The following EEFSEC variants were observed in gnomAD, a reference collection of about 807,000 sequenced individuals.
EEFSEC encodes the protein selenocysteine-specific elongation factor.
In EEFSEC, 43 loss-of-function variants were observed where a neutral mutation model predicts 42.1. That is an observed-to-expected ratio of 1.02 (90% CI 0.80 to 1.32). The LOEUF (loss-of-function observed/expected upper bound fraction) is 1.32, where lower values mean the gene tolerates loss of function less well. Among genes scored for constraint, EEFSEC ranks in the 40% most tolerant of loss-of-function variants. The probability of loss-of-function intolerance (pLI) is 0.00; values close to 1 mark genes in which losing one functional copy is unlikely to be tolerated. For synonymous variants in EEFSEC, 354 were observed against 339.1 expected (o/e 1.04, Z -0.48); for missense variants, 745 against 803.6 (o/e 0.93, Z 0.88).
chr3:128,408,809 T>G (rs1041625520), downstream of EEFSEC, among the ~76,000 whole-genome samples: 1 of 152,118 alleles, frequency 6.6e-6, no homozygotes, highest in Non-Finnish European at 1.5e-5. Flanking sequence ...TGTCTGCGCT[T>G]CTCAACCCCA....
chr3:128,268,638 G>A (rs1000050146), intron 4 of EEFSEC, among the ~76,000 whole-genome samples: 3 of 152,042 alleles, frequency 2.0e-5, no homozygotes, highest in African/African-American at 7.2e-5. Context: ...CCTTATAAGA[G>A]ACAGACAAGG....
chr3:128,382,395 C>T (rs1349565041), intron 6 of EEFSEC, among the ~76,000 whole-genome samples: 1 of 152,234 alleles, frequency 6.6e-6, no homozygotes, highest in Non-Finnish European at 1.5e-5. Flanking sequence ...ACGGCACCAG[C>T]AGGAGCTGTG....
intron 6 of EEFSEC, among the ~76,000 whole-genome samples, chr3:128,375,240 G>T (rs79039750): frequency 1.7e-4 from 26 of 152,192 alleles, no homozygotes; most frequent in Non-Finnish European, 3.5e-4. Flanking sequence ...GGGGGATCAG[G>T]TGTAGGCTAA....
intron 1 of EEFSEC, among the ~76,000 whole-genome samples, chr3:128,218,638 G>T (rs1330711681): frequency 6.6e-6 from 1 of 152,186 alleles, no homozygotes; most frequent in Non-Finnish European, 1.5e-5. Flanking sequence ...TGGTTTGCTT[G>T]TTCATTGTTT....
In EEFSEC at chr3:128,260,061, G is replaced by A. The variant is rs1196249134; in HGVS notation, c.525-2067G>A. On this transcript the variant is annotated intron_variant, in intron 2 of 6. Coordinates refer to ENST00000254730, the MANE Select transcript of EEFSEC (RefSeq NM_021937.5). ...TAGGAGTGGAATAGCTGGATCATGT[G>A]GTGATCCCATGTTTCCCTTCATTTT... 3.9e-5 allele frequency among the ~76,000 whole-genome samples: 6 copies of A among 152,152 alleles called. No homozygotes were observed. In the East Asian group the frequency reaches 9.6e-4, roughly 24 times the overall value.
intron 4 of EEFSEC, among the ~76,000 whole-genome samples, chr3:128,320,470 TTAGTTAGG>T (rs2066995170): frequency 6.6e-6 from 1 of 152,174 alleles, no homozygotes; most frequent in Admixed American, 6.5e-5. Context: ...AAATGCCCAA[TTAGTTAGG>T]TACATTTTCC....
intron 1 of EEFSEC, among the ~76,000 whole-genome samples, chr3:128,171,349 A>T (rs1321037763): frequency 6.6e-6 from 1 of 151,000 alleles, no homozygotes; most frequent in African/African-American, 2.4e-5. Context: ...GTTTATTTTT[A>T]ATTTTTTTTT....
chr3:128,161,468 C>A (rs979418249), intron 1 of EEFSEC, among the ~76,000 whole-genome samples: 1 of 152,128 alleles, frequency 6.6e-6, no homozygotes, highest in African/African-American at 2.4e-5. Flanking sequence ...GGACCTCTTG[C>A]CTTCTGTACA....
At chr3:128,212,573 C>T (rs1029782984) in intron 1 of EEFSEC, among the ~76,000 whole-genome samples, 6 of 152,120 alleles carry the variant, frequency 3.9e-5, no homozygotes, top group African/African-American at 4.8e-5. Context: ...GATTTAAAAC[C>T]GAATGAGCAG....
intron 6 of EEFSEC, among the ~76,000 whole-genome samples, chr3:128,361,759 A>G (rs1168148209): frequency 6.6e-6 from 1 of 152,060 alleles, no homozygotes; most frequent in Non-Finnish European, 1.5e-5. Flanking sequence ...CCCTTCAAAG[A>G]CCTTGCCATT....
chr3:128,158,663 C>T (rs576502003), intron 1 of EEFSEC, among the ~76,000 whole-genome samples: 1 of 152,304 alleles, frequency 6.6e-6, no homozygotes, highest in African/African-American at 2.4e-5. Flanking sequence ...TTGAGACATA[C>T]TACTATTGCA....
chr3:128,186,826 T>C (rs2065470112), intron 1 of EEFSEC, among the ~76,000 whole-genome samples: 1 of 152,086 alleles, frequency 6.6e-6, no homozygotes, highest in South Asian at 2.1e-4. Flanking sequence ...TTCTGAAACA[T>C]TTTCCCCCAG....
chr3:128,324,567 A>G (rs1315543521), intron 4 of EEFSEC, among the ~76,000 whole-genome samples: 3 of 152,122 alleles, frequency 2.0e-5, no homozygotes, highest in African/African-American at 7.2e-5. Flanking sequence ...CCCAGGGAGG[A>G]GAGAGAGAGA....
Position 128,211,837 on chromosome 3 carries a change from CTTTTTCTTTTCTTT to C in EEFSEC, c.317-34993_317-34980del, listed in dbSNP as rs1181572415. 4.9e-3 allele frequency among the ~76,000 whole-genome samples: 529 copies of C among 108,052 alleles called. 3 individuals carry two copies. Among genetic ancestry groups the C allele is most frequent in the African/African-American group, 0.017 (486 of 28,288 alleles). The allele number at this position is 108,052 out of a possible 152,430, so 70.9% of individuals were successfully genotyped here. A position where few individuals can be genotyped will look rare whatever the true frequency, so the allele number is the denominator to read the frequency against. On this transcript the variant is annotated intron_variant, in intron 1 of 6. Transcript: ENST00000254730. ...GGCAAGAAATACATATACTTCTTTT[CTTTTTCTTTTCTTT>C]TTTTTTTTTTTTTTTTTTTTTTTTT...
chr3:128,228,309 A>G (rs1294806228), intron 1 of EEFSEC, among the ~76,000 whole-genome samples: 1 of 152,130 alleles, frequency 6.6e-6, no homozygotes, highest in Admixed American at 6.5e-5. Context: ...TCACCTCCAG[A>G]TGAGAGGGAG....
intron 4 of EEFSEC, among the ~76,000 whole-genome samples, chr3:128,337,484 C>T (rs578017520): frequency 2.0e-4 from 31 of 152,302 alleles, no homozygotes; most frequent in Non-Finnish European, 3.5e-4. Context: ...GGCCCCTGGC[C>T]GCCCTCTCTC....
Position 128,227,951 on chromosome 3 carries a change from G to A in EEFSEC, c.317-18885G>A, listed in dbSNP as rs1323332302. Among the ~76,000 whole-genome samples, 4 of 152,174 alleles carry A rather than the reference G, an allele frequency of 2.6e-5. No homozygotes were observed. The East Asian group carries it at 7.7e-4, about 29-fold the overall frequency. On this transcript the variant is annotated intron_variant, in intron 1 of 6. Transcript: ENST00000254730. ...ATTTTCTCTTGGCACAGCCGCTTCA[G>A]TTGTTCAACTTTTCTCCCCTTTTTT...
the EEFSEC span, among the ~76,000 whole-genome samples, chr3:128,413,779 C>A: frequency 6.6e-6 from 1 of 152,230 alleles, no homozygotes; most frequent in Non-Finnish European, 1.5e-5. Context: ...ATAGACTCGG[C>A]CCCGAGCCTC....
intron 4 of EEFSEC, among the ~76,000 whole-genome samples, chr3:128,333,563 G>A (rs979091984): frequency 8.5e-5 from 13 of 152,194 alleles, no homozygotes; most frequent in Admixed American, 6.6e-5. Flanking sequence ...ATCATCATTA[G>A]CCACTATCAT....
Sources: allele counts gnomAD v4.1 joint callset (sites outside exome capture counted in the v4.1 genomes callset), GRCh38; gene constraint gnomAD v4.1.1; transcripts MANE v1.5; gene names NCBI Gene and HGNC (gene_info 2026-07-23, HGNC 2026-07-21).